Variants in ATP2B2 observed in about 807,000 individuals in gnomAD.
ATP2B2 encodes the protein plasma membrane calcium-transporting ATPase 2.
In ATP2B2, 15 loss-of-function variants were observed where a neutral mutation model predicts 120.0. The observed-to-expected ratio is 0.12, with a 90% CI of 0.08 to 0.19. The LOEUF (loss-of-function observed/expected upper bound fraction) is 0.19, where lower values mean the gene tolerates loss of function less well. Among genes scored for constraint, ATP2B2 ranks in the 10% least tolerant of loss-of-function variants. ATP2B2 has a pLI of 1.00. For synonymous variants in ATP2B2, 694 were observed against 700.3 expected (o/e 0.99, Z 0.14); for missense variants, 1,045 against 1,719.8 (o/e 0.61, Z 6.94).
intron 1 of ATP2B2, among the ~76,000 whole-genome samples, chr3:10,502,909 T>C (rs1030956903): frequency 6.6e-6 from 1 of 152,220 alleles, no homozygotes; most frequent in Non-Finnish European, 1.5e-5. Flanking sequence ...CTCTGCCACA[T>C]GCCAGCTGTG....
At chr3:10,452,713 G>A (rs1326026162) in intron 1 of ATP2B2, among the ~76,000 whole-genome samples, 1 of 152,146 alleles carries the variant, frequency 6.6e-6, no homozygotes, top group Non-Finnish European at 1.5e-5. Flanking sequence ...CCCGCTGGAG[G>A]GGTGAGCGCT....
chr3:10,489,567 C>G lies in ATP2B2; in HGVS notation c.-320+15898G>C, dbSNP rs1480584241. ...TGGGATTCATGGTTTTTTCTGACTA[C>G]TTCCCTTCTCACCATCTCTGTCCCT... is the stretch of plus-strand genomic sequence containing the variant. On this transcript the variant is annotated intron_variant, in intron 1 of 22. Transcript: ENST00000360273. Among the ~76,000 whole-genome samples the G allele has an allele frequency of 4.6e-5, 7 of 152,122 alleles. No individual in the cohort carries two copies. In the East Asian group the frequency reaches 1.4e-3, roughly 29 times the overall value.
chr3:10,603,288 G>A (rs891445326), intron 2 of ATP2B2, among the ~76,000 whole-genome samples: 2 of 152,224 alleles, frequency 1.3e-5, no homozygotes, highest in Admixed American at 1.3e-4. Context: ...CGGTGTGTTT[G>A]GCAGATGCTC....
chr3:10,397,077 G>A (rs1168969891), intron 5 of ATP2B2, among the ~76,000 whole-genome samples: 7 of 152,206 alleles, frequency 4.6e-5, no homozygotes, highest in Admixed American at 2.6e-4. Flanking sequence ...GAAGCCATGT[G>A]CCTGAGGCCA....
At chr3:10,349,602 C>T (rs1482303976) in intron 16 of ATP2B2, among the ~76,000 whole-genome samples, 2 of 152,140 alleles carry the variant, frequency 1.3e-5, no homozygotes, top group African/African-American at 4.8e-5. Flanking sequence ...GAGAGCGCAT[C>T]CCTGAGGTCC....
At chr3:10,367,687 C>T (rs995299877) in intron 12 of ATP2B2, among the ~76,000 whole-genome samples, 2 of 152,256 alleles carry the variant, frequency 1.3e-5, no homozygotes, top group East Asian at 3.9e-4. Context: ...TGGGATTGTA[C>T]AGATCTGGGT....
At chr3:10,625,358 G>A (rs1357796645) in intron 1 of ATP2B2, among the ~76,000 whole-genome samples, 1 of 152,176 alleles carries the variant, frequency 6.6e-6, no homozygotes, top group Non-Finnish European at 1.5e-5. Context: ...GAAGGTGAGG[G>A]GTGGTGGAGC....
intron 1 of ATP2B2, among the ~76,000 whole-genome samples, chr3:10,663,283 GTT>G (rs2070837357): frequency 6.6e-6 from 1 of 152,048 alleles, no homozygotes. Context: ...CCAATCCTCA[GTT>G]CCCTCATCTG....
chr3:10,478,120 T>C (rs1388955267), intron 1 of ATP2B2, among the ~76,000 whole-genome samples: 5 of 152,216 alleles, frequency 3.3e-5, no homozygotes, highest in African/African-American at 4.8e-5. Flanking sequence ...ATTTCTCTAA[T>C]AACTAGTGGT....
intron 2 of ATP2B2, among the ~76,000 whole-genome samples, chr3:10,561,386 C>T (rs2067900586): frequency 6.6e-6 from 1 of 152,174 alleles, no homozygotes; most frequent in Admixed American, 6.5e-5. Context: ...ACTGGTTAAC[C>T]CCCCAGCGGT....
intron 2 of ATP2B2, among the ~76,000 whole-genome samples, chr3:10,436,974 C>T (rs2063499292): frequency 6.6e-6 from 1 of 152,188 alleles, no homozygotes; most frequent in Non-Finnish European, 1.5e-5. Context: ...GCCTCATCCA[C>T]GTGGCTTTGC....
chr3:10,381,810 A>G (rs1487699910), intron 8 of ATP2B2, among the ~76,000 whole-genome samples: 1 of 152,144 alleles, frequency 6.6e-6, no homozygotes, highest in Non-Finnish European at 1.5e-5. Flanking sequence ...AAATGGGTCT[A>G]TTCTCTCTGT....
At chr3:10,418,492 G>A (rs2062863870) in intron 2 of ATP2B2, among the ~76,000 whole-genome samples, 1 of 152,182 alleles carries the variant, frequency 6.6e-6, no homozygotes, top group Non-Finnish European at 1.5e-5. Context: ...CACACTGAGA[G>A]GCTGGGCTGT....
chr3:10,572,733 G>A (rs376918175), intron 2 of ATP2B2, among the ~76,000 whole-genome samples: 1 of 152,178 alleles, frequency 6.6e-6, no homozygotes, highest in African/African-American at 2.4e-5. Context: ...TCATATTAAT[G>A]GGTTGAAGGG....
At chr3:10,606,560 CCTTA>C (rs2069072751) in intron 2 of ATP2B2, among the ~76,000 whole-genome samples, 1 of 152,102 alleles carries the variant, frequency 6.6e-6, no homozygotes, top group South Asian at 2.1e-4. Flanking sequence ...GGTCCAGTTC[CCTTA>C]CTTAGTTAAC....
At chr3:10,444,131 A>T (rs1394371315) in intron 2 of ATP2B2, among the ~76,000 whole-genome samples, 3 of 152,188 alleles carry the variant, frequency 2.0e-5, no homozygotes, top group Non-Finnish European at 4.4e-5. Flanking sequence ...GCTTCACATG[A>T]AGGCGCTGGA....
intron 8 of ATP2B2, among the ~76,000 whole-genome samples, chr3:10,383,335 A>G (rs188944557): frequency 8.5e-5 from 13 of 152,270 alleles, no homozygotes; most frequent in South Asian, 2.1e-4. Flanking sequence ...AGGAAACTCT[A>G]TGTGACTCTG....
chr3:10,411,826 C>T (rs1189610058), intron 2 of ATP2B2, among the ~76,000 whole-genome samples: 1 of 152,208 alleles, frequency 6.6e-6, no homozygotes, highest in East Asian at 1.9e-4. Flanking sequence ...CTGGTACTTT[C>T]TCCTCTTCTG....
chr3:10,417,066 CGGCGGGGGGG>C (rs2062812546), intron 2 of ATP2B2, among the ~76,000 whole-genome samples: 1 of 38,090 alleles, frequency 2.6e-5, no homozygotes, highest in Non-Finnish European at 4.3e-5. Flanking sequence ...TCCCAGACGG[CGGCGGGGGGG>C]GGCGGGCAGA....
Sources: gnomAD v4.1 joint callset for allele counts (sites outside exome capture counted in the v4.1 genomes callset) on GRCh38, gnomAD v4.1.1 for gene constraint, MANE v1.5 for transcripts, NCBI Gene and HGNC (gene_info 2026-07-23, HGNC 2026-07-21) for gene names.